Variants in RLN2 observed in about 807,000 individuals in gnomAD.
RLN2 encodes prorelaxin H2.
RLN2 carries 10 observed loss-of-function variants against 7.3 expected under a neutral mutation model. That is an observed-to-expected ratio of 1.36 (90% CI 0.84 to 2.31). The LOEUF (loss-of-function observed/expected upper bound fraction) is 2.31. Ranked by LOEUF, RLN2 falls within the 30% of genes most tolerant of loss-of-function variation. The pLI, the probability that RLN2 is intolerant of heterozygous loss-of-function variation, is 0.00. For synonymous variants in RLN2, 103 were observed against 82.3 expected (o/e 1.25, Z -1.36); for missense variants, 298 against 217.6 (o/e 1.37, Z -2.32).
the RLN2 span, among the ~76,000 whole-genome samples, chr9:5,330,365 G>A: frequency 6.6e-6 from 1 of 151,876 alleles, no homozygotes; most frequent in Non-Finnish European, 1.5e-5. Flanking sequence ...GAGGCCGGGT[G>A]TGGTGGCTCA....
chr9:5,307,067 A>G (rs1368969647), upstream of RLN2, among the ~76,000 whole-genome samples: 1 of 152,000 alleles, frequency 6.6e-6, no homozygotes, highest in Non-Finnish European at 1.5e-5. Flanking sequence ...TGTGGAGCAT[A>G]AAGAGGAAGG....
the RLN2 span, among the ~76,000 whole-genome samples, chr9:5,319,711 T>C: frequency 6.6e-6 from 1 of 152,172 alleles, no homozygotes; most frequent in African/African-American, 2.4e-5. Flanking sequence ...GAATTACTGG[T>C]ATTTCAATTC....
At chr9:5,310,447 G>A in the RLN2 span, among the ~76,000 whole-genome samples, 7 of 151,904 alleles carry the variant, frequency 4.6e-5, no homozygotes, top group Non-Finnish European at 1.0e-4. Flanking sequence ...TTATTTCCTA[G>A]GAAAAAACTA....
At chr9:5,321,513 A>T in the RLN2 span, among the ~76,000 whole-genome samples, 1 of 152,020 alleles carries the variant, frequency 6.6e-6, no homozygotes, top group Non-Finnish European at 1.5e-5. Flanking sequence ...ATGAGCAGTG[A>T]CTGAGCACAA....
the RLN2 span, among the ~76,000 whole-genome samples, chr9:5,329,836 T>C: frequency 2.0e-5 from 3 of 151,840 alleles, no homozygotes; most frequent in Non-Finnish European, 2.9e-5. Flanking sequence ...CCACTGTCAA[T>C]AATAGACAGA....
At chr9:5,321,153 GT>G in the RLN2 span, among the ~76,000 whole-genome samples, 1 of 152,078 alleles carries the variant, frequency 6.6e-6, no homozygotes, top group Admixed American at 6.6e-5. Flanking sequence ...TCTCATATGA[GT>G]AAATTTTGAT....
the RLN2 span, among the ~76,000 whole-genome samples, chr9:5,329,214 A>C: frequency 6.7e-6 from 1 of 148,760 alleles, no homozygotes; most frequent in African/African-American, 2.5e-5. Flanking sequence ...GAGGCAGGAG[A>C]ATGGCGTGAA....
At chr9:5,302,144 A>G (rs575477264) in intron 1 of RLN2, among the ~76,000 whole-genome samples, 2 of 152,322 alleles carry the variant, frequency 1.3e-5, no homozygotes, top group East Asian at 3.9e-4. Flanking sequence ...GTTTGTTCAT[A>G]GGCTGTGTAT....
At chr9:5,336,175 A>AT in the RLN2 span, among the ~76,000 whole-genome samples, 2 of 152,090 alleles carry the variant, frequency 1.3e-5, no homozygotes, top group African/African-American at 4.8e-5. Flanking sequence ...TCAATCATCT[A>AT]TTTAACAATT....
At chr9:5,305,601 A>C (rs1816234383), upstream of RLN2, among the ~76,000 whole-genome samples, 1 of 152,036 alleles carries the variant, frequency 6.6e-6, no homozygotes. Flanking sequence ...GTTCTAGGTA[A>C]TATGGTTAGT....
chr9:5,310,468 G>A, the RLN2 span, among the ~76,000 whole-genome samples: 2 of 151,932 alleles, frequency 1.3e-5, no homozygotes, highest in Non-Finnish European at 2.9e-5. Flanking sequence ...ACATTCCATT[G>A]AAGTTCCATT....
At chr9:5,315,880 C>G in the RLN2 span, among the ~76,000 whole-genome samples, 1 of 152,038 alleles carries the variant, frequency 6.6e-6, no homozygotes, top group African/African-American at 2.4e-5. Context: ...GAAATAAAGT[C>G]TTCCCCAGAC....
upstream of RLN2, among the ~76,000 whole-genome samples, chr9:5,306,102 GTTTTTTGTTT>G (rs1816245096): frequency 8.1e-6 from 1 of 123,436 alleles, no homozygotes; most frequent in South Asian, 2.6e-4. Context: ...CTTTGTTTTT[GTTTTTTGTTT>G]TTTTTTTTTT....
chr9:5,310,099 G>C, the RLN2 span, among the ~76,000 whole-genome samples: 7 of 151,992 alleles, frequency 4.6e-5, no homozygotes, highest in African/African-American at 1.7e-4. Flanking sequence ...AGAGCAGGGT[G>C]CAGGAAGCAG....
At chr9:5,323,631 T>C in the RLN2 span, among the ~76,000 whole-genome samples, 1 of 152,024 alleles carries the variant, frequency 6.6e-6, no homozygotes, top group African/African-American at 2.4e-5. Flanking sequence ...TACTTAGAAA[T>C]GAATTGATTT....
At chr9:5,330,699 T>A in the RLN2 span, among the ~76,000 whole-genome samples, 1 of 121,730 alleles carries the variant, frequency 8.2e-6, no homozygotes, top group Non-Finnish European at 1.7e-5. Context: ...GCAAACAAAT[T>A]CAAAAGCTAG....
chr9:5,322,785 G>A, the RLN2 span, among the ~76,000 whole-genome samples: 4 of 152,030 alleles, frequency 2.6e-5, no homozygotes, highest in African/African-American at 9.7e-5. Flanking sequence ...ATTATATCAT[G>A]TTTAAAGACT....
At chr9:5,309,638 C>T (rs1481996070), upstream of RLN2, among the ~76,000 whole-genome samples, 1 of 152,042 alleles carries the variant, frequency 6.6e-6, no homozygotes, top group Non-Finnish European at 1.5e-5. Context: ...CTTTTGCTAA[C>T]CATCTCTTAC....
chr9:5,306,636 CT>C (rs1816257202), upstream of RLN2, among the ~76,000 whole-genome samples: 1 of 151,964 alleles, frequency 6.6e-6, no homozygotes, highest in South Asian at 2.1e-4. Flanking sequence ...AAAAGGAAAT[CT>C]TTTTAAGGAG....
Sources: allele counts gnomAD v4.1 joint callset (sites outside exome capture counted in the v4.1 genomes callset), GRCh38; gene constraint gnomAD v4.1.1; transcripts MANE v1.5; gene names NCBI Gene and HGNC (gene_info 2026-07-23, HGNC 2026-07-21).